NUMA1: variants seen among roughly 807,000 people sequenced by gnomAD.
NUMA1 encodes the protein SP-H antigen.
Under a neutral mutation model 237.1 loss-of-function variants are expected in NUMA1, and 62 were observed. That is an observed-to-expected ratio of 0.26 (90% CI 0.21 to 0.32). NUMA1 has a LOEUF of 0.32. Ranked by LOEUF, NUMA1 falls within the 10% of genes least tolerant of loss-of-function variation. The pLI, the probability that NUMA1 is intolerant of heterozygous loss-of-function variation, is 1.00. For missense variants in NUMA1, 2,533 were observed against 2,666.5 expected (o/e 0.95, Z 1.10); for synonymous variants, 1,028 against 1,066.1 (o/e 0.96, Z 0.70).
At chr11:72,037,160 C>G (rs1356966739) in intron 2 of NUMA1, among the ~76,000 whole-genome samples, 2 of 152,154 alleles carry the variant, frequency 1.3e-5, no homozygotes, top group Admixed American at 6.5e-5. Context: ...CCTTCCTATC[C>G]AAGTATACTC....
At chr11:72,072,769 C>T (rs1943511671) in intron 1 of NUMA1, among the ~76,000 whole-genome samples, 1 of 152,140 alleles carries the variant, frequency 6.6e-6, no homozygotes, top group Admixed American at 6.5e-5. Context: ...AAAACTATTC[C>T]CCTGGCCAGG....
At chr11:72,052,054 G>A (rs892488860) in intron 2 of NUMA1, among the ~76,000 whole-genome samples, 11 of 152,180 alleles carry the variant, frequency 7.2e-5, no homozygotes, top group African/African-American at 2.7e-4. Flanking sequence ...AGGTGGCAGC[G>A]ACAGAGGTAG....
chr11:72,010,974 A>C, intron 16 of NUMA1, 120 bp from the exon 17 acceptor site: 4 of 892,032 alleles, frequency 4.5e-6, no homozygotes, highest in Non-Finnish European at 7.2e-6. Flanking sequence ...GAATAAACTC[A>C]GGCCCTTTCT....
At chr11:72,025,371 C>T (rs1590956551) in intron 4 of NUMA1, among the ~76,000 whole-genome samples, 1 of 151,902 alleles carries the variant, frequency 6.6e-6, no homozygotes, top group East Asian at 2.0e-4. Flanking sequence ...GAGATCATGC[C>T]ACTGCACTCC....
rs1955961797 is a variant in NUMA1, at chr11:72,009,141, G to A, written c.4884C>T (p.Asn1628=). The A allele has an allele frequency of 6.6e-7, 1 of 1,525,652 alleles. No homozygotes were observed. The highest frequency in any genetic ancestry group is 1.1e-5 in the South Asian group (1 of 89,782). The allele number at this position is 1,525,652 out of a possible 1,614,324, so 94.5% of individuals were successfully genotyped here. A position where few individuals can be genotyped will look rare whatever the true frequency, so the allele number is the denominator to read the frequency against. Residue 1628 remains asparagine (N), a synonymous_variant, in exon 19 of 27, where the codon AAC becomes AAT. Transcript: ENST00000393695. ...TCCGCAGCTGCTCCTGCAGCTCTTG[G>A]TTCTGCTGCTTCTTGGCATCATAAT... ...KTHYDAKKQQ[N]QELQEQLRSL...
chr11:72,011,280 T>G (rs1956145528), intron 16 of NUMA1, among the ~76,000 whole-genome samples: 1 of 152,148 alleles, frequency 6.6e-6, no homozygotes. Context: ...TCCCAGAAAC[T>G]GCCAAAGCCC....
At chr11:72,010,970 A>C in intron 16 of NUMA1, 116 bp from the exon 17 acceptor site, 1 of 910,606 alleles carries the variant, frequency 1.1e-6, no homozygotes, top group Non-Finnish European at 1.8e-6. Flanking sequence ...CCTAGAATAA[A>C]CTCAGGCCCT....
intron 12 of NUMA1, 85 bp downstream of exon 12, chr11:72,018,098 C>A: frequency 9.3e-7 from 1 of 1,069,958 alleles, no homozygotes; most frequent in Non-Finnish European, 1.5e-6. Flanking sequence ...GGTGCTGGGA[C>A]ATTCTTCTCA....
At chr11:72,070,822 C>G (rs1943413675) in intron 1 of NUMA1, among the ~76,000 whole-genome samples, 1 of 152,180 alleles carries the variant, frequency 6.6e-6, no homozygotes, top group South Asian at 2.1e-4. Flanking sequence ...CTAGGAAACG[C>G]TGCACCCCCC....
intron 10 of NUMA1, 75 bp downstream of exon 10, chr11:72,018,748 G>T: frequency 1.3e-6 from 2 of 1,521,596 alleles, no homozygotes; most frequent in South Asian, 1.2e-5. Flanking sequence ...GCCAGCAGAG[G>T]GGACAACATG....
intron 2 of NUMA1, among the ~76,000 whole-genome samples, chr11:72,059,875 T>C (rs1942849649): frequency 6.7e-6 from 1 of 149,446 alleles, no homozygotes; most frequent in Non-Finnish European, 1.5e-5. Flanking sequence ...AGGATAAAAA[T>C]TCCCATCTAC....
Position 72,016,015 on chromosome 11 carries a change from C to G in NUMA1, c.1488G>C (p.Leu496Phe). ...AGGTCAGAGAGGCCACCTGGGCAGT[C>G]AACCGGGCCCCATGAGCCTGGGAGG... is the stretch of plus-strand genomic sequence containing the variant. ...EQASQAHGAR[L>F]TAQVASLTSE... The change falls in exon 15 of 27, where the codon TTG (leucine) becomes TTC (phenylalanine). Residue 496 changes from leucine to phenylalanine, a missense_variant. Leu to Phe is a conservative substitution (Grantham distance 22). This residue lies in a region of NUMA1 where 1,414 missense variants were observed against 1,508.1 expected (regional missense o/e 0.94). Coordinates refer to ENST00000393695, the MANE Select transcript of NUMA1 (RefSeq NM_006185.4). 1 of 1,614,116 alleles carries G rather than the reference C, an allele frequency of 6.2e-7. No individual in the cohort carries two copies. The highest frequency in any genetic ancestry group is 8.5e-7 in the Non-Finnish European group (1 of 1,180,036).
intron 22 of NUMA1, 140 bp from the exon 23 acceptor site, chr11:72,005,509 T>G (rs1678666235): frequency 1.3e-6 from 1 of 745,028 alleles, no homozygotes; most frequent in Non-Finnish European, 2.2e-6. Flanking sequence ...GTGCCGCAGG[T>G]GCAGGAGTAC....
chr11:72,004,563 G>T (rs1955545009), intron 24 of NUMA1, 77 bp downstream of exon 24: 1 of 1,448,448 alleles, frequency 6.9e-7, no homozygotes, highest in Non-Finnish European at 9.4e-7. Flanking sequence ...GAGAGAGAAG[G>T]CTCCCTTTAG....
chr11:72,036,593 A>G (rs912177391), intron 2 of NUMA1, among the ~76,000 whole-genome samples: 5 of 152,212 alleles, frequency 3.3e-5, no homozygotes, highest in Admixed American at 6.5e-5. Flanking sequence ...AAACTGTTCT[A>G]GTTTCTGGAT....
chr11:72,025,937 T>C (rs1266906536), intron 4 of NUMA1, among the ~76,000 whole-genome samples: 2 of 152,240 alleles, frequency 1.3e-5, no homozygotes, highest in Non-Finnish European at 2.9e-5. Flanking sequence ...TGGCTCAGTG[T>C]AGAGCAATAT....
At chr11:72,008,489 T>C (rs574915174) in intron 20 of NUMA1, 199 bp downstream of exon 20, 7 of 614,368 alleles carry the variant, frequency 1.1e-5, no homozygotes, top group East Asian at 5.7e-5. Flanking sequence ...GCAGGAGCGA[T>C]AGCTTCCACG....
chr11:72,057,517 G>GT (rs1211351449), intron 2 of NUMA1, among the ~76,000 whole-genome samples: 1 of 152,178 alleles, frequency 6.6e-6, no homozygotes, highest in African/African-American at 2.4e-5. Flanking sequence ...GCTGAGGCAG[G>GT]TGGATCACTT....
At chr11:72,027,651 G>C (rs796529636) in intron 4 of NUMA1, among the ~76,000 whole-genome samples, 5 of 152,128 alleles carry the variant, frequency 3.3e-5, no homozygotes, top group Admixed American at 1.3e-4. Context: ...TTAAACACCA[G>C]GCTGAAGATT....
Sources: gnomAD v4.1 joint callset for allele counts (sites outside exome capture counted in the v4.1 genomes callset) on GRCh38, gnomAD v4.1.1 for gene constraint, gnomAD v4.1.1 regional missense constraint, MANE v1.5 for transcripts, NCBI Gene and HGNC (gene_info 2026-07-23, HGNC 2026-07-21) for gene names.